ZNF600: variants seen among roughly 807,000 people sequenced by gnomAD.
The protein encoded by ZNF600 is zinc finger protein 600, also known as zinc finger protein KR-ZNF1.
Under a neutral mutation model 7.3 loss-of-function variants are expected in ZNF600, and 4 were observed. That is an observed-to-expected ratio of 0.55 (90% CI 0.27 to 1.25). The LOEUF (loss-of-function observed/expected upper bound fraction) is 1.25. ZNF600 is among the 50% of genes most tolerant of loss of function. The pLI, the probability that ZNF600 is intolerant of heterozygous loss-of-function variation, is 0.12. For missense variants in ZNF600, 911 were observed against 922.1 expected (o/e 0.99, Z 0.16); for synonymous variants, 290 against 308.9 (o/e 0.94, Z 0.64).
the ZNF600 span, chr19:52,800,982 A>C: frequency 6.2e-7 from 1 of 1,614,090 alleles, no homozygotes; most frequent in Non-Finnish European, 8.5e-7. Flanking sequence ...CGCCTTGTGA[A>C]GGAAGAGGGA....
the ZNF600 span, among the ~76,000 whole-genome samples, chr19:52,822,787 T>C: frequency 6.6e-6 from 1 of 152,148 alleles, no homozygotes; most frequent in Non-Finnish European, 1.5e-5. Flanking sequence ...TTTTACAACA[T>C]GGAGGCAGGT....
At chr19:52,766,769 T>C in exon 4 of ZNF600, 1 of 1,614,072 alleles carries the variant, frequency 6.2e-7, no homozygotes, top group Non-Finnish European at 8.5e-7. Context: ...TACATTTGTA[T>C]GGTTTCTCTC....
At chr19:52,801,994 T>C in the ZNF600 span, among the ~76,000 whole-genome samples, 6 of 152,102 alleles carry the variant, frequency 3.9e-5, no homozygotes, top group African/African-American at 1.4e-4. Context: ...CTAAAGTGTA[T>C]CACACTTTGC....
chr19:52,772,099 G>A (rs1236029123), intron 3 of ZNF600, among the ~76,000 whole-genome samples: 7 of 152,316 alleles, frequency 4.6e-5, no homozygotes, highest in South Asian at 2.1e-4. Flanking sequence ...AATCACCTGA[G>A]GTTGGGAGTT....
chr19:52,794,137 T>C, the ZNF600 span, among the ~76,000 whole-genome samples: 1 of 151,702 alleles, frequency 6.6e-6, no homozygotes, highest in Non-Finnish European at 1.5e-5. Flanking sequence ...GGGACATGGG[T>C]AGGTGGGTTA....
At chr19:52,775,207 T>A (rs777433833) in intron 2 of ZNF600, among the ~76,000 whole-genome samples, 13 of 151,760 alleles carry the variant, frequency 8.6e-5, no homozygotes, top group African/African-American at 1.9e-4. Flanking sequence ...ACCACTGCAC[T>A]CCATCCTGGG....
the ZNF600 span, among the ~76,000 whole-genome samples, chr19:52,814,027 A>G: frequency 2.7e-5 from 4 of 146,452 alleles, 1 homozygote; most frequent in African/African-American, 5.3e-5. Flanking sequence ...TTGGACTTTT[A>G]CAAAAAAGAA....
At chr19:52,790,143 T>C (rs11666670), upstream of ZNF600, among the ~76,000 whole-genome samples, 66,044 of 152,082 alleles carry the variant, frequency 0.43, 15,946 homozygotes, top group Non-Finnish European at 0.57. Context: ...TGTGATTCTT[T>C]AGTTACTTCA....
intron 1 of ZNF600, among the ~76,000 whole-genome samples, chr19:52,785,685 G>A (rs553409593): frequency 6.6e-6 from 1 of 151,914 alleles, no homozygotes; most frequent in Admixed American, 6.6e-5. Flanking sequence ...ATACCCCTCT[G>A]TCCCCACTCT....
intron 2 of ZNF600, among the ~76,000 whole-genome samples, chr19:52,775,894 T>C (rs2062670807): frequency 6.6e-6 from 1 of 151,804 alleles, no homozygotes; most frequent in African/African-American, 2.4e-5. Flanking sequence ...TAATCCCCAA[T>C]ACTCGGGAGG....
chr19:52,766,290 G>A, exon 4 of ZNF600: 1 of 1,613,942 alleles, frequency 6.2e-7, no homozygotes, highest in Non-Finnish European at 8.5e-7. Flanking sequence ...ATGAATTCTA[G>A]TATGTTTTGC....
chr19:52,771,517 G>A (rs546820888), intron 3 of ZNF600, among the ~76,000 whole-genome samples: 4 of 151,224 alleles, frequency 2.6e-5, no homozygotes, highest in East Asian at 2.0e-4. Context: ...TCTGTCACCC[G>A]GGCTGGAGTG....
At chr19:52,812,208 G>A in the ZNF600 span, among the ~76,000 whole-genome samples, 3 of 133,256 alleles carry the variant, frequency 2.3e-5, no homozygotes, top group African/African-American at 3.5e-5. Context: ...CTGCCCGGCC[G>A]CCCCTACTGG....
intron 2 of ZNF600, among the ~76,000 whole-genome samples, chr19:52,776,955 C>A (rs1369816472): frequency 6.6e-6 from 1 of 152,058 alleles, no homozygotes; most frequent in Non-Finnish European, 1.5e-5. Context: ...AATCACCCCA[C>A]TGCACTCCTG....
intron 3 of ZNF600, among the ~76,000 whole-genome samples, chr19:52,771,676 C>A (rs1037802910): frequency 6.6e-6 from 1 of 152,196 alleles, no homozygotes; most frequent in Non-Finnish European, 1.5e-5. Context: ...TGGGGTTTCA[C>A]CATGTTGGCC....
the ZNF600 span, among the ~76,000 whole-genome samples, chr19:52,811,617 G>A: frequency 2.7e-4 from 39 of 145,912 alleles, no homozygotes; most frequent in Non-Finnish European, 1.5e-4. Context: ...GTCTCTGCCC[G>A]GCCGCCCCGT....
the ZNF600 span, chr19:52,807,807 G>A: frequency 1.1e-6 from 1 of 940,106 alleles, no homozygotes; most frequent in Non-Finnish European, 1.5e-6. Flanking sequence ...TTTACTTCTG[G>A]AAGCTCCACT....
chr19:52,813,249 G>GAAGAAAAAAA, the ZNF600 span, among the ~76,000 whole-genome samples: 1 of 62,984 alleles, frequency 1.6e-5, no homozygotes, highest in Non-Finnish European at 2.8e-5. Context: ...CTTGAATGGT[G>GAAGAAAAAAA]AAAAAAAAAA....
At chr19:52,796,540 C>G in the ZNF600 span, among the ~76,000 whole-genome samples, 1 of 151,608 alleles carries the variant, frequency 6.6e-6, no homozygotes, top group African/African-American at 2.4e-5. Flanking sequence ...GATCACGGCT[C>G]CCTGCAGCCT....
Sources: gnomAD v4.1 joint callset for allele counts (sites outside exome capture counted in the v4.1 genomes callset) on GRCh38, gnomAD v4.1.1 for gene constraint, MANE v1.5 for transcripts, NCBI Gene and HGNC (gene_info 2026-07-23, HGNC 2026-07-21) for gene names.